The following ACSM6 variants were observed in gnomAD, a reference collection of about 807,000 sequenced individuals.
ACSM6 encodes acyl-CoA synthetase medium chain family member 6.
In ACSM6, 35 loss-of-function variants were observed where a neutral mutation model predicts 51.1. The ratio of observed to expected loss-of-function variants is 0.69; its 90% CI spans 0.52 to 0.91. The LOEUF is 0.91. Among genes scored for constraint, ACSM6 ranks in the 40% least tolerant of loss-of-function variants. The probability of loss-of-function intolerance (pLI) is 0.00; values close to 1 mark genes in which losing one functional copy is unlikely to be tolerated. For synonymous variants in ACSM6, 172 were observed against 207.3 expected (o/e 0.83, Z 1.46); for missense variants, 509 against 584.1 (o/e 0.87, Z 1.32).
intron 7 of ACSM6, among the ~76,000 whole-genome samples, chr10:95,213,729 G>A (rs541485872): frequency 1.3e-5 from 2 of 152,066 alleles, no homozygotes; most frequent in African/African-American, 2.4e-5. Flanking sequence ...AATCATCATC[G>A]ATAAAGATTA....
chr10:95,218,609 A>G (rs2034966666), intron 8 of ACSM6, among the ~76,000 whole-genome samples: 1 of 152,248 alleles, frequency 6.6e-6, no homozygotes, highest in African/African-American at 2.4e-5. Flanking sequence ...AGATCAAAAT[A>G]GCCCTACTTC....
At chr10:95,208,129 A>C (rs1367882486) in intron 4 of ACSM6, among the ~76,000 whole-genome samples, 2 of 151,820 alleles carry the variant, frequency 1.3e-5, no homozygotes, top group African/African-American at 4.8e-5. Flanking sequence ...GGACAGAGTG[A>C]GACTCTGTCT....
intron 10 of ACSM6, chr10:95,228,237 T>A (rs1239731303): frequency 6.4e-6 from 1 of 156,114 alleles, no homozygotes; most frequent in African/African-American, 2.4e-5. Flanking sequence ...AGGGGCGGTA[T>A]GAAAATTAAA....
chr10:95,215,872 C>T (rs1350846875), intron 8 of ACSM6, among the ~76,000 whole-genome samples: 1 of 152,138 alleles, frequency 6.6e-6, no homozygotes, highest in African/African-American at 2.4e-5. Context: ...TTCTCACAGA[C>T]AGGGAGAGAG....
intron 2 of ACSM6, among the ~76,000 whole-genome samples, chr10:95,200,901 C>T (rs1056471191): frequency 6.6e-6 from 1 of 152,070 alleles, no homozygotes; most frequent in Non-Finnish European, 1.5e-5. Flanking sequence ...AGCCTTCCTT[C>T]CCTCCATCCT....
intron 10 of ACSM6, among the ~76,000 whole-genome samples, chr10:95,227,400 C>T (rs538912541): frequency 6.6e-6 from 1 of 152,308 alleles, no homozygotes; most frequent in African/African-American, 2.4e-5. Context: ...GTAAATATTT[C>T]TTCAATGAGT....
intron 8 of ACSM6, 146 bp from the exon 9 acceptor site, chr10:95,219,745 C>G: frequency 1.7e-6 from 1 of 582,578 alleles, no homozygotes; most frequent in Non-Finnish European, 2.9e-6. Context: ...CACACTCCTG[C>G]TTGATTTTTT....
At chr10:95,219,747 T>C (rs11188228) in intron 8 of ACSM6, 144 bp from the exon 9 acceptor site, 195,201 of 576,318 alleles carry the variant, frequency 0.34, 36,663 homozygotes, top group Non-Finnish European at 0.39. Flanking sequence ...CACTCCTGCT[T>C]GATTTTTTTT....
chr10:95,218,196 C>T (rs1045958153), intron 8 of ACSM6, among the ~76,000 whole-genome samples: 3 of 152,208 alleles, frequency 2.0e-5, no homozygotes, highest in Admixed American at 6.5e-5. Context: ...GATATGACTC[C>T]AGCAACACCT....
At chr10:95,226,466 A>C (rs2035040806) in intron 10 of ACSM6, 2 of 152,132 alleles carry the variant, frequency 1.3e-5, no homozygotes. Flanking sequence ...CCAGCTACTC[A>C]GGAGGCTGAG....
chr10:95,213,932 T>C (rs533273446), intron 7 of ACSM6, among the ~76,000 whole-genome samples: 1 of 152,354 alleles, frequency 6.6e-6, no homozygotes, highest in East Asian at 1.9e-4. Context: ...TGGCATTTTG[T>C]GGAGCAGTTA....
rs554092862 is a variant in ACSM6, at chr10:95,222,867, TA to T, written c.1201-2421del. Among the ~76,000 whole-genome samples the T allele has an allele frequency of 2.9e-3, 418 of 142,722 alleles. 3 individuals are homozygous for T. The highest frequency in any genetic ancestry group is 0.012 in the African/African-American group (398 of 32,742). 93.6% of individuals were successfully genotyped at this position (142,722 alleles called of 152,430 possible). ...CTTATTACCAAAATAATAATAATAATAAGAGGGTGGGAGGAAACTTTTGAAG... is the reference window on the plus strand; with the variant it reads ...CTTATTACCAAAATAATAATAATAATAGAGGGTGGGAGGAAACTTTTGAAG... On this transcript the variant is annotated intron_variant, in intron 9 of 10. Transcript: ENST00000341686.
At chr10:95,209,153 G>C (rs936522084) in intron 4 of ACSM6, among the ~76,000 whole-genome samples, 7 of 152,102 alleles carry the variant, frequency 4.6e-5, no homozygotes, top group African/African-American at 1.7e-4. Context: ...GACTTCTGAG[G>C]TGAGGATAAG....
chr10:95,215,032 T>A, intron 8 of ACSM6, 57 bp downstream of exon 8: 1 of 1,541,462 alleles, frequency 6.5e-7, no homozygotes, highest in Non-Finnish European at 8.8e-7. Flanking sequence ...ATTCACTGTG[T>A]AAGCACACTG....
intron 10 of ACSM6, 59 bp from the exon 11 acceptor site, chr10:95,228,585 T>C: frequency 6.6e-7 from 1 of 1,509,912 alleles, no homozygotes. Context: ...TCAATTCATA[T>C]CACTAAATGA....
chr10:95,195,599 G>A (rs920521670), intron 2 of ACSM6, among the ~76,000 whole-genome samples: 1 of 152,170 alleles, frequency 6.6e-6, no homozygotes, highest in African/African-American at 2.4e-5. Flanking sequence ...AGTGGGGCTG[G>A]TGGTGCCCGC....
intron 9 of ACSM6, among the ~76,000 whole-genome samples, chr10:95,220,719 G>GT (rs2034988050): frequency 6.6e-6 from 1 of 151,872 alleles, no homozygotes; most frequent in African/African-American, 2.4e-5. Flanking sequence ...TCTATTTTTT[G>GT]TTTTTTGTTT....
chr10:95,226,311 G>T (rs1042343043), intron 10 of ACSM6: 1 of 152,134 alleles, frequency 6.6e-6, no homozygotes, highest in South Asian at 2.1e-4. Flanking sequence ...GCTCATGCCT[G>T]TAATCTCAAC....
chr10:95,207,232 C>G, exon 4 of ACSM6: 1 of 1,614,084 alleles, frequency 6.2e-7, no homozygotes, highest in Non-Finnish European at 8.5e-7. Flanking sequence ...CCTGGGAGCC[C>G]CCAGCTGACT....
Sources: gnomAD v4.1 joint callset for allele counts (sites outside exome capture counted in the v4.1 genomes callset) on GRCh38, gnomAD v4.1.1 for gene constraint, MANE v1.5 for transcripts, NCBI Gene and HGNC (gene_info 2026-07-23, HGNC 2026-07-21) for gene names.